The following NPTXR variants were observed in gnomAD, a reference collection of about 807,000 sequenced individuals.
The protein encoded by NPTXR is neuronal pentraxin receptor.
Under a neutral mutation model 32.2 loss-of-function variants are expected in NPTXR, and 12 were observed. The observed-to-expected ratio is 0.37, with a 90% CI of 0.24 to 0.60. The LOEUF (loss-of-function observed/expected upper bound fraction) is 0.60. Ranked by LOEUF, NPTXR falls within the 20% of genes least tolerant of loss-of-function variation. NPTXR has a pLI of 0.66. For synonymous variants in NPTXR, 323 were observed against 315.8 expected (o/e 1.02, Z -0.24); for missense variants, 612 against 682.9 (o/e 0.90, Z 1.16).
chr22:38,843,390 T>C lies in NPTXR; in HGVS notation c.469A>G (p.Lys157Glu). Residue 157 changes from lysine (K) to glutamate (E), a missense_variant, in exon 1 of 5, where the codon AAG (lysine) becomes GAG (glutamate). Transcript: ENST00000333039. The surrounding 1 kb of genome is among the most constrained non-coding windows in gnomAD (Gnocchi z 5.3). Reference sequence around the variant, plus strand: ...AGGCCGCTCTCGCAGCGGCCCAGCTTGCCGGTGAGCTCACGGATGGTGTCC... The same window carrying C: ...AGGCCGCTCTCGCAGCGGCCCAGCTCGCCGGTGAGCTCACGGATGGTGTCC... 1 of 1,414,096 alleles carries C rather than the reference T, an allele frequency of 7.1e-7. No individual in the cohort carries two copies. Among genetic ancestry groups the C allele is most frequent in the Non-Finnish European group, 9.1e-7 (1 of 1,093,262 alleles). 87.6% of individuals were successfully genotyped at this position (1,414,096 alleles called of 1,614,324 possible).
intron 1 of NPTXR, among the ~76,000 whole-genome samples, chr22:38,838,667 C>T (rs1169094487): frequency 1.3e-5 from 2 of 151,016 alleles, no homozygotes; most frequent in East Asian, 1.9e-4. Context: ...CTGCAAGCTC[C>T]GCGTCCCGGG....
intron 2 of NPTXR, among the ~76,000 whole-genome samples, chr22:38,827,773 A>T (rs1276587921): frequency 6.6e-6 from 1 of 152,226 alleles, no homozygotes; most frequent in African/African-American, 2.4e-5. Flanking sequence ...CCAGAGACAG[A>T]TATGCAACCA....
chr22:38,841,758 A>T (rs2093131962), intron 1 of NPTXR, among the ~76,000 whole-genome samples: 1 of 152,184 alleles, frequency 6.6e-6, no homozygotes, highest in African/African-American at 2.4e-5. Flanking sequence ...CTAATATCCC[A>T]GTGAGGTAGG....
At position 38,843,962 on chromosome 22, in the gene NPTXR, C is replaced by A; in HGVS notation, c.-104G>T. On this transcript the variant is annotated 5_prime_UTR_variant, in exon 1 of 5. Transcript: ENST00000333039. The surrounding 1 kb of genome is among the most constrained non-coding windows in gnomAD (Gnocchi z 5.3). ...GGGCCGAGCGGGGCAGGCGCGGGAG[C>A]CGGAGCCGGAGCCGGAGCCGGAGCC... is the stretch of plus-strand genomic sequence containing the variant. 1 of 343,112 alleles carries A rather than the reference C, an allele frequency of 2.9e-6. No individual in the cohort carries two copies. The highest frequency in any genetic ancestry group is 4.0e-6 in the Non-Finnish European group (1 of 246,930). The allele number at this position is 343,112 out of a possible 1,614,324, so 21.3% of individuals were successfully genotyped here.
Position 38,843,832 on chromosome 22 carries a change from G to T in NPTXR, c.27C>A (p.Ala9=). The change falls in exon 1 of 5, where the codon GCC becomes GCA. Residue 9 remains alanine, a synonymous_variant. Coordinates refer to ENST00000333039, the MANE Select transcript of NPTXR (RefSeq NM_014293.4). This position sits in a 1 kb window ranked among gnomAD's most constrained non-coding sequence, Gnocchi z 5.3. Reference sequence around the variant, plus strand: ...CACCGAGGAACGCCAGCATGCCCGCGGCCAGCAGCACGGCCAGGAACTTCA... The same window carrying T: ...CACCGAGGAACGCCAGCATGCCCGCTGCCAGCAGCACGGCCAGGAACTTCA... 9.8e-7 allele frequency: 1 copy of T among 1,015,838 alleles called. No homozygotes were observed. The highest frequency in any genetic ancestry group is 3.9e-5 in the South Asian group (1 of 25,854). The allele number at this position is 1,015,838 out of a possible 1,614,324, so 62.9% of individuals were successfully genotyped here.
At position 38,819,711 on chromosome 22, in the gene NPTXR, A is replaced by G. The variant is rs576994215; in HGVS notation, c.*2898T>C. 2.6e-5 allele frequency: 4 copies of G among 152,488 alleles called. No individual in the cohort carries two copies. The highest frequency in any genetic ancestry group is 9.6e-5 in the African/African-American group (4 of 41,582). The allele number at this position is 152,488 out of a possible 1,614,324, so 9.4% of individuals were successfully genotyped here. ...TGTGCCACACTCAGTGCAGTGCCAG[A>G]TGGCAGGACAAACACGGGCTCCATC... On this transcript the variant is annotated 3_prime_UTR_variant, in exon 5 of 5. Coordinates refer to ENST00000333039, the MANE Select transcript of NPTXR (RefSeq NM_014293.4).
intron 1 of NPTXR, 106 bp from the exon 2 acceptor site, chr22:38,828,618 C>G: frequency 2.4e-6 from 2 of 840,800 alleles, no homozygotes; most frequent in Non-Finnish European, 3.6e-6. Context: ...GGAGCCTCAG[C>G]TTCCCCAGTA....
chr22:38,823,400 C>A, intron 3 of NPTXR, 138 bp from the exon 4 acceptor site: 1 of 683,700 alleles, frequency 1.5e-6, no homozygotes, highest in Non-Finnish European at 2.4e-6. Context: ...CTCCATCCTC[C>A]TGCCCAGTGT....
intron 3 of NPTXR, among the ~76,000 whole-genome samples, chr22:38,825,135 C>T (rs954940821): frequency 1.3e-5 from 2 of 152,230 alleles, no homozygotes; most frequent in Non-Finnish European, 2.9e-5. Flanking sequence ...AATTACCATG[C>T]TCCTGCCACA....
rs1280457663 is a variant in NPTXR, at chr22:38,819,408, C to G, written c.*3201G>C. 6.6e-6 allele frequency: 1 copy of G among 152,610 alleles called. No homozygotes were observed. Among genetic ancestry groups the G allele is most frequent in the Non-Finnish European group, 1.5e-5 (1 of 68,324 alleles). The allele number at this position is 152,610 out of a possible 1,614,324, so 9.5% of individuals were successfully genotyped here. A position where few individuals can be genotyped will look rare whatever the true frequency, so the allele number is the denominator to read the frequency against. On this transcript the variant is annotated 3_prime_UTR_variant, in exon 5 of 5. Transcript: ENST00000333039. Reference sequence around the variant, plus strand: ...GACCCTGGCCCTGGGGCTGGCCCACCCCCTGCCTCTGTTCCTTCACTTCAA... The same window carrying G: ...GACCCTGGCCCTGGGGCTGGCCCACGCCCTGCCTCTGTTCCTTCACTTCAA...
At chr22:38,822,920 C>T (rs2093100487) in intron 4 of NPTXR, 87 bp from the exon 5 acceptor site, 1 of 1,431,042 alleles carries the variant, frequency 7.0e-7, no homozygotes, top group East Asian at 2.4e-5. Context: ...GGCTCTTGTC[C>T]CCGAGGCAGC....
Position 38,820,212 on chromosome 22 carries a change from C to G in NPTXR, c.*2397G>C, listed in dbSNP as rs765427419. The G allele has an allele frequency of 6.6e-6, 1 of 152,654 alleles. No homozygotes were observed. The highest frequency in any genetic ancestry group is 2.4e-5 in the African/African-American group (1 of 41,446). 9.5% of individuals were successfully genotyped at this position (152,654 alleles called of 1,614,324 possible). A position where few individuals can be genotyped will look rare whatever the true frequency, so the allele number is the denominator to read the frequency against. On this transcript the variant is annotated 3_prime_UTR_variant, in exon 5 of 5. Coordinates refer to ENST00000333039, the MANE Select transcript of NPTXR (RefSeq NM_014293.4). The stretch of plus-strand genomic sequence containing the variant: ...TTGATGTCTTTGGCTGTTACCGTGG[C>G]AACCTAGGTCTCAGCAGGTCTGGCT...
At chr22:38,839,159 A>T (rs2093128632) in intron 1 of NPTXR, among the ~76,000 whole-genome samples, 1 of 152,194 alleles carries the variant, frequency 6.6e-6, no homozygotes, top group Non-Finnish European at 1.5e-5. Context: ...GGATGGGAGG[A>T]GGCAATCAGC....
Position 38,819,045 on chromosome 22 carries a change from C to G in NPTXR, c.*3564G>C, listed in dbSNP as rs1270382912. 1.3e-5 allele frequency: 2 copies of G among 152,260 alleles called. No homozygotes were observed. Among genetic ancestry groups the G allele is most frequent in the African/African-American group, 4.8e-5 (2 of 41,444 alleles). 9.4% of individuals were successfully genotyped at this position (152,260 alleles called of 1,614,324 possible). ...GCTTTGGCCTCTTCTCAGAGCCCTT[C>G]CTGTCCAAATCTGTGGTCCCAGGTG... On this transcript the variant is annotated 3_prime_UTR_variant, in exon 5 of 5. Coordinates refer to ENST00000333039, the MANE Select transcript of NPTXR (RefSeq NM_014293.4).
At position 38,822,760 on chromosome 22, in the gene NPTXR, T is replaced by C. The variant is rs765667798; in HGVS notation, c.1352A>G (p.His451Arg). ...CAGGACCTGGGCTGGTGTCAGGGCGTGGTCCCACAGGTTAAACTGGGCAAT... is the reference window on the plus strand; with the variant it reads ...CAGGACCTGGGCTGGTGTCAGGGCGCGGTCCCACAGGTTAAACTGGGCAAT... Residue 451 changes from histidine to arginine, a missense_variant, in exon 5 of 5, where the codon CAC becomes CGC. By Grantham distance (29) the His-to-Arg change is conservative (BLOSUM62 0). Coordinates refer to ENST00000333039, the MANE Select transcript of NPTXR (RefSeq NM_014293.4). 6 of 1,614,158 alleles carry C rather than the reference T, an allele frequency of 3.7e-6. No homozygotes were observed. Among genetic ancestry groups the C allele is most frequent in the East Asian group, 2.2e-5 (1 of 44,880 alleles).
chr22:38,838,669 C>T (rs1002986343), intron 1 of NPTXR, among the ~76,000 whole-genome samples: 82 of 149,550 alleles, frequency 5.5e-4, no homozygotes, highest in Admixed American at 2.1e-3. Flanking sequence ...GCAAGCTCCG[C>T]GTCCCGGGTT....
chr22:38,826,459 T>G (rs762830803), intron 3 of NPTXR, 41 bp downstream of exon 3: 1 of 1,567,968 alleles, frequency 6.4e-7, no homozygotes. Context: ...TCTGGAAGGG[T>G]GGCCCTCCCC....
chr22:38,836,804 G>C (rs1294925255), intron 1 of NPTXR, among the ~76,000 whole-genome samples: 3 of 152,066 alleles, frequency 2.0e-5, no homozygotes, highest in Non-Finnish European at 4.4e-5. Flanking sequence ...AAGTCACACA[G>C]GCTTTTTTAT....
intron 1 of NPTXR, among the ~76,000 whole-genome samples, chr22:38,839,980 C>T (rs565105978): frequency 1.4e-3 from 206 of 152,300 alleles, no homozygotes; most frequent in Middle Eastern, 6.8e-3. Flanking sequence ...GAGAAAATGA[C>T]GCAATTGAAT....
Sources: allele counts gnomAD v4.1 joint callset (sites outside exome capture counted in the v4.1 genomes callset), GRCh38; gene constraint gnomAD v4.1.1; non-coding constraint Gnocchi (gnomAD v3.1); transcripts MANE v1.5; gene names NCBI Gene and HGNC (gene_info 2026-07-23, HGNC 2026-07-21).